The following TSPAN1 variants were observed in gnomAD, a reference collection of about 807,000 sequenced individuals.
TSPAN1 encodes the protein tetraspanin 1.
Under a neutral mutation model 26.9 loss-of-function variants are expected in TSPAN1, and 23 were observed. The ratio of observed to expected loss-of-function variants is 0.85; its 90% CI spans 0.62 to 1.21. TSPAN1 has a LOEUF of 1.21. TSPAN1 is among the 50% of genes most tolerant of loss of function. The probability of loss-of-function intolerance (pLI) is 0.00; values close to 1 mark genes in which losing one functional copy is unlikely to be tolerated. For missense variants in TSPAN1, 283 were observed against 298.4 expected (o/e 0.95, Z 0.38); for synonymous variants, 115 against 114.8 (o/e 1.00, Z -0.01).
At chr1:46,181,273 G>A in intron 3 of TSPAN1, 109 bp downstream of exon 3, 1 of 1,096,360 alleles carries the variant, frequency 9.1e-7, no homozygotes, top group Non-Finnish European at 1.3e-6. Context: ...GCTTCGTCCT[G>A]CATGTGTCCC....
At chr1:46,180,168 G>C (rs1333296713) in intron 1 of TSPAN1, among the ~76,000 whole-genome samples, 1 of 152,266 alleles carries the variant, frequency 6.6e-6, no homozygotes, top group East Asian at 1.9e-4. Context: ...CTGGGTGCTT[G>C]CTGTATGAAC....
At chr1:46,186,965 C>T (rs554916190), downstream of TSPAN1, among the ~76,000 whole-genome samples, 1 of 152,180 alleles carries the variant, frequency 6.6e-6, no homozygotes, top group African/African-American at 2.4e-5. Flanking sequence ...CCCGGCCACG[C>T]CCGGCTAACT....
chr1:46,191,880 C>T, the TSPAN1 span: 599 of 570,496 alleles, frequency 1.0e-3, 5 homozygotes, highest in African/African-American at 0.01. Context: ...GTGATCCACC[C>T]GCATCGGCCT....
chr1:46,189,774 G>T, downstream of TSPAN1: 1 of 1,597,882 alleles, frequency 6.3e-7, no homozygotes, highest in South Asian at 1.1e-5. Context: ...GAAGATTCCA[G>T]AGCAAAGGCT....
rs1282440430 is a variant in TSPAN1 at position 46,184,776 on chromosome 1, C to T, written c.340-9C>T. ...TACCAGCCCCTAAACACTGGCCTGCCTCACCCAGGCTGAGCACTTCCTGAC... is the reference window on the plus strand; with the variant it reads ...TACCAGCCCCTAAACACTGGCCTGCTTCACCCAGGCTGAGCACTTCCTGAC... On this transcript the variant is annotated splice_polypyrimidine_tract_variant and intron_variant, in intron 5 of 8. Coordinates refer to ENST00000372003, the MANE Select transcript of TSPAN1 (RefSeq NM_005727.4). 4.3e-6 allele frequency: 7 copies of T among 1,614,222 alleles called. No homozygotes were observed. The highest frequency in any genetic ancestry group is 5.1e-6 in the Non-Finnish European group (6 of 1,180,028).
chr1:46,176,376 G>T (rs980112967), intron 1 of TSPAN1: 2 of 1,535,740 alleles, frequency 1.3e-6, no homozygotes, highest in Non-Finnish European at 1.7e-6. Flanking sequence ...TGAACATCCT[G>T]GGAAATCGGG....
chr1:46,179,964 AGT>A (rs141816531), intron 1 of TSPAN1, among the ~76,000 whole-genome samples: 1,960 of 146,408 alleles, frequency 0.013, 15 homozygotes, highest in Middle Eastern at 0.043. Flanking sequence ...AGAAAGAGGG[AGT>A]GTGTGTGTGT....
At chr1:46,182,880 C>T (rs79571999) in intron 3 of TSPAN1, among the ~76,000 whole-genome samples, 6,593 of 152,142 alleles carry the variant, frequency 0.043, 398 homozygotes, top group African/African-American at 0.13. Flanking sequence ...ATGATCATGG[C>T]TTACTGCAGC....
the TSPAN1 span, chr1:46,192,286 C>A: frequency 2.5e-6 from 4 of 1,614,172 alleles, no homozygotes; most frequent in East Asian, 2.2e-5. Flanking sequence ...CTCCAGCCCC[C>A]TCACCCTACC....
chr1:46,195,333 T>C, the TSPAN1 span, among the ~76,000 whole-genome samples: 7 of 152,206 alleles, frequency 4.6e-5, no homozygotes, highest in African/African-American at 1.7e-4. Context: ...TGCCATTCTT[T>C]CCACCTGGAA....
At position 46,184,776 on chromosome 1, in the gene TSPAN1, C is replaced by G; in HGVS notation, c.340-9C>G. On this transcript the variant is annotated splice_polypyrimidine_tract_variant and intron_variant, in intron 5 of 8. Coordinates refer to ENST00000372003, the MANE Select transcript of TSPAN1 (RefSeq NM_005727.4). ...TACCAGCCCCTAAACACTGGCCTGC[C>G]TCACCCAGGCTGAGCACTTCCTGAC... 1 of 1,614,222 alleles carries G rather than the reference C, an allele frequency of 6.2e-7. No individual in the cohort carries two copies. Among genetic ancestry groups the G allele is most frequent in the Non-Finnish European group, 8.5e-7 (1 of 1,180,028 alleles).
At chr1:46,188,964 T>C, downstream of TSPAN1, 1 of 1,611,050 alleles carries the variant, frequency 6.2e-7, no homozygotes, top group Non-Finnish European at 8.5e-7. Context: ...ATAAATAGGT[T>C]AGATTCTGAG....
intron 1 of TSPAN1, among the ~76,000 whole-genome samples, chr1:46,179,964 A>AGAGAGTGTGTGTGTGTGTGTGTGTGTGT (rs1657275164): frequency 6.8e-6 from 1 of 146,788 alleles, no homozygotes; most frequent in African/African-American, 2.5e-5. Context: ...AGAAAGAGGG[A>AGAGAGTGTGTGTGTGTGTGTGTGTGTGT]GTGTGTGTGT....
chr1:46,182,812 G>GTTT (rs1319274112), intron 3 of TSPAN1, among the ~76,000 whole-genome samples: 1 of 150,778 alleles, frequency 6.6e-6, no homozygotes, highest in Non-Finnish European at 1.5e-5. Context: ...TGTTGTTGTT[G>GTTT]TTGTTTGTTT....
In TSPAN1 at chr1:46,184,350, C is replaced by A. The variant is rs781174691; in HGVS notation, c.217C>A (p.Leu73Met). The A allele has an allele frequency of 6.2e-7, 1 of 1,614,146 alleles. No individual in the cohort carries two copies. Among genetic ancestry groups the A allele is most frequent in the Non-Finnish European group, 8.5e-7 (1 of 1,180,026 alleles). The change falls in exon 4 of 9, where the codon CTG (leucine) becomes ATG (methionine). Residue 73 changes from leucine to methionine, a missense_variant. Transcript: ENST00000372003. ...AGVVVFALGF[L>M]GCYGAKTESK... Reference sequence around the variant, plus strand: ...CGTTGTGGTCTTTGCTCTTGGTTTCCTGGGCTGCTATGGTGCTAAGACTGA... The same window carrying A: ...CGTTGTGGTCTTTGCTCTTGGTTTCATGGGCTGCTATGGTGCTAAGACTGA...
At chr1:46,188,255 G>C (rs1657483186), downstream of TSPAN1, among the ~76,000 whole-genome samples, 1 of 152,184 alleles carries the variant, frequency 6.6e-6, no homozygotes, top group African/African-American at 2.4e-5. Context: ...CCCGTCTCTT[G>C]AATGATGCCT....
the TSPAN1 span, chr1:46,192,453 A>G: frequency 6.2e-7 from 1 of 1,614,164 alleles, no homozygotes; most frequent in African/African-American, 1.3e-5. Flanking sequence ...ACAGGGTGCC[A>G]TAGTGGGAGG....
At chr1:46,186,724 C>T (rs1270621145), downstream of TSPAN1, among the ~76,000 whole-genome samples, 3 of 142,508 alleles carry the variant, frequency 2.1e-5, no homozygotes, top group Non-Finnish European at 4.5e-5. Flanking sequence ...TGCAGTGGCG[C>T]GATCTCGGCT....
At chr1:46,193,264 G>C in the TSPAN1 span, 13 of 1,614,010 alleles carry the variant, frequency 8.1e-6, no homozygotes, top group Non-Finnish European at 1.1e-5. Flanking sequence ...GTAGAAGGCA[G>C]AGCCAGGTGT....
Sources: gnomAD v4.1 joint callset for allele counts (sites outside exome capture counted in the v4.1 genomes callset) on GRCh38, gnomAD v4.1.1 for gene constraint, MANE v1.5 for transcripts, NCBI Gene and HGNC (gene_info 2026-07-23, HGNC 2026-07-21) for gene names.